The following NFKB1 variants were observed in gnomAD, a reference collection of about 807,000 sequenced individuals.
NFKB1 encodes nuclear factor NF-kappa-B p105 subunit.
In NFKB1, 9 loss-of-function variants were observed where a neutral mutation model predicts 105.1. That is an observed-to-expected ratio of 0.09 (90% CI 0.05 to 0.15). NFKB1 has a LOEUF of 0.15. NFKB1 is among the 10% of genes least tolerant of loss of function. The probability of loss-of-function intolerance (pLI) is 1.00; values close to 1 mark genes in which losing one functional copy is unlikely to be tolerated. For missense variants in NFKB1, 830 were observed against 1,203.7 expected (o/e 0.69, Z 4.59); for synonymous variants, 440 against 442.2 (o/e 1.00, Z 0.06).
At chr4:102,567,880 A>G (rs1223676583) in intron 6 of NFKB1, among the ~76,000 whole-genome samples, 1 of 152,240 alleles carries the variant, frequency 6.6e-6, no homozygotes, top group African/African-American at 2.4e-5. Context: ...ATAATAGTGT[A>G]GCACACAATA....
chr4:102,514,435 C>T (rs940567904), intron 1 of NFKB1, among the ~76,000 whole-genome samples: 2 of 152,138 alleles, frequency 1.3e-5, no homozygotes, highest in Admixed American at 6.5e-5. Flanking sequence ...AAATTTGTCT[C>T]CTCTTGCCTT....
intron 11 of NFKB1, among the ~76,000 whole-genome samples, chr4:102,587,165 T>G (rs1214304987): frequency 6.6e-6 from 1 of 152,226 alleles, no homozygotes; most frequent in Admixed American, 6.5e-5. Context: ...TCCGAGAGGC[T>G]GTCCCACCTC....
In NFKB1 at chr4:102,613,721, GCTCACC is replaced by G; in HGVS notation, c.2749+144_2749+149del. ...CCCTGTGTGTCTCTCTACCCCCTGG[GCTCACC>G]CTCTGCCTCTCTTGATAGTACCATT... On this transcript the variant is annotated intron_variant, in intron 23 of 23. Transcript: ENST00000226574. The G allele has an allele frequency of 2.9e-6, 3 of 1,018,476 alleles. 1 individual carries two copies. In the South Asian group the frequency reaches 5.1e-5, roughly 17 times the overall value. The allele number at this position is 1,018,476 out of a possible 1,614,324, so 63.1% of individuals were successfully genotyped here.
In NFKB1 at chr4:102,580,553, A is replaced by G. The variant is rs1725245776; in HGVS notation, c.749A>G (p.Asn250Ser). 6 of 1,613,832 alleles carry G rather than the reference A, an allele frequency of 3.7e-6. No homozygotes were observed. The South Asian group carries it at 4.4e-5, about 12-fold the overall frequency. ...IYDSKAPNAS[N>S]LKIVRMDRTA... is the part of the protein sequence containing the mutation. ...TGAACAGAAGCCCCCAATGCATCCAACTTGAAAATTGTAAGAATGGACAGG... is the reference window on the plus strand; with the variant it reads ...TGAACAGAAGCCCCCAATGCATCCAGCTTGAAAATTGTAAGAATGGACAGG... The change falls in exon 9 of 24, where the codon AAC (asparagine) becomes AGC (serine). Residue 250 changes from asparagine (N) to serine (S), a missense_variant. Transcript: ENST00000226574.
chr4:102,601,473 C>T (rs1477519983), intron 16 of NFKB1, among the ~76,000 whole-genome samples: 1 of 151,932 alleles, frequency 6.6e-6, no homozygotes, highest in African/African-American at 2.4e-5. Flanking sequence ...TAAAAGTTTG[C>T]TTGAGGAGGA....
intron 2 of NFKB1, among the ~76,000 whole-genome samples, chr4:102,526,515 T>G (rs762492014): frequency 4.6e-5 from 7 of 152,204 alleles, no homozygotes; most frequent in Non-Finnish European, 1.0e-4. Context: ...AAAAAAATTT[T>G]ATTTAAAACT....
intron 12 of NFKB1, among the ~76,000 whole-genome samples, chr4:102,594,239 T>C (rs1053255313): frequency 2.0e-5 from 3 of 152,226 alleles, no homozygotes; most frequent in Admixed American, 1.3e-4. Context: ...TAATGACTCA[T>C]TTCCTCAAGT....
chr4:102,594,898 G>T lies in NFKB1; in HGVS notation c.1217G>T (p.Ser406Ile), dbSNP rs1444450766. The change falls in exon 13 of 24, where the codon AGC (serine) becomes ATC (isoleucine). Residue 406 changes from serine (S) to isoleucine (I), a missense_variant. Transcript: ENST00000226574. ...GTTTTACTTGCCGTTTCAGGGTATA[G>T]CTTCCCACACTATGGATTTCCTACT... ...GGTGSTGPGYSFPHYGFPTYG... is the reference protein window; with the variant it reads ...GGTGSTGPGYIFPHYGFPTYG... 2 of 1,608,948 alleles carry T rather than the reference G, an allele frequency of 1.2e-6. No individual in the cohort carries two copies. The highest frequency in any genetic ancestry group is 1.3e-5 in the African/African-American group (1 of 74,834).
intron 6 of NFKB1, among the ~76,000 whole-genome samples, chr4:102,568,842 T>C (rs561711649): frequency 6.6e-6 from 1 of 152,224 alleles, no homozygotes; most frequent in African/African-American, 2.4e-5. Flanking sequence ...GCTCAGTAGT[T>C]GGGAGAACTC....
intron 11 of NFKB1, among the ~76,000 whole-genome samples, chr4:102,590,554 A>G (rs938373553): frequency 6.7e-6 from 1 of 150,350 alleles, no homozygotes; most frequent in Non-Finnish European, 1.5e-5. Flanking sequence ...TATTATATCC[A>G]TTATGGTGAT....
chr4:102,597,421 T>G (rs1726715952), intron 14 of NFKB1, 99 bp from the exon 15 acceptor site: 2 of 1,211,700 alleles, frequency 1.7e-6, no homozygotes, highest in Non-Finnish European at 2.3e-6. Context: ...TATGTCAAGG[T>G]GTCAGAACAC....
At chr4:102,510,446 A>G (rs1739704641) in intron 1 of NFKB1, among the ~76,000 whole-genome samples, 1 of 152,204 alleles carries the variant, frequency 6.6e-6, no homozygotes, top group East Asian at 1.9e-4. Flanking sequence ...CAAAATGAGC[A>G]TCTCTCTCTA....
intron 2 of NFKB1, among the ~76,000 whole-genome samples, chr4:102,528,461 T>G (rs1741069418): frequency 6.6e-6 from 1 of 152,160 alleles, no homozygotes; most frequent in Admixed American, 6.6e-5. Context: ...AGATTTTTCT[T>G]ACTCTTAATT....
At position 102,594,817 on chromosome 4, in the gene NFKB1, A is replaced by G. The variant is rs536369390; in HGVS notation, c.1211-75A>G. 46 of 1,063,248 alleles carry G rather than the reference A, an allele frequency of 4.3e-5. No homozygotes were observed. In the African/African-American group the frequency reaches 6.5e-4, roughly 15 times the overall value. 65.9% of individuals were successfully genotyped at this position (1,063,248 alleles called of 1,614,324 possible). A position where few individuals can be genotyped will look rare whatever the true frequency, so the allele number is the denominator to read the frequency against. ...ACACCAAAGGCTGTGCTCACCTGAG[A>G]GACAGACACTAAGTTGTGCTGAGTC... On this transcript the variant is annotated intron_variant, in intron 12 of 23. Coordinates refer to ENST00000226574, the MANE Select transcript of NFKB1 (RefSeq NM_003998.4).
intron 5 of NFKB1, among the ~76,000 whole-genome samples, chr4:102,545,540 C>T (rs1722067754): frequency 6.6e-6 from 1 of 152,004 alleles, no homozygotes; most frequent in Non-Finnish European, 1.5e-5. Context: ...AGAGATGGAG[C>T]CCAAGATTTC....
chr4:102,526,038 G>A (rs1051901122), intron 2 of NFKB1, among the ~76,000 whole-genome samples: 4 of 152,022 alleles, frequency 2.6e-5, no homozygotes, highest in East Asian at 1.9e-4. Flanking sequence ...CCATTGTCAC[G>A]TGCGCTTCTT....
intron 5 of NFKB1, among the ~76,000 whole-genome samples, chr4:102,566,534 T>G (rs1418005638): frequency 6.6e-6 from 1 of 152,204 alleles, no homozygotes; most frequent in East Asian, 1.9e-4. Flanking sequence ...AGAGTTAGGA[T>G]GGACTGTTTC....
At chr4:102,508,993 A>C (rs752955113) in intron 1 of NFKB1, among the ~76,000 whole-genome samples, 2 of 152,138 alleles carry the variant, frequency 1.3e-5, no homozygotes, top group Non-Finnish European at 2.9e-5. Context: ...CTTGGATAGA[A>C]CCTTTCGGCA....
rs368652626 is a variant in NFKB1, at chr4:102,547,430, G to A, written c.258+9474G>A. Among the ~76,000 whole-genome samples the A allele has an allele frequency of 2.0e-5, 3 of 152,254 alleles. No homozygotes were observed. In the East Asian group the frequency reaches 5.8e-4, roughly 29 times the overall value. On this transcript the variant is annotated intron_variant, in intron 5 of 23. Coordinates refer to ENST00000226574, the MANE Select transcript of NFKB1 (RefSeq NM_003998.4). ...GGTCTGGGGTGAGGTTTAGGTGGTTGTGGACCACACTTTTAGGTTTTAAAG... is the reference window on the plus strand; with the variant it reads ...GGTCTGGGGTGAGGTTTAGGTGGTTATGGACCACACTTTTAGGTTTTAAAG...
Sources: allele counts gnomAD v4.1 joint callset (sites outside exome capture counted in the v4.1 genomes callset), GRCh38; gene constraint gnomAD v4.1.1; transcripts MANE v1.5; gene names NCBI Gene and HGNC (gene_info 2026-07-23, HGNC 2026-07-21).